The following PADI3 variants were observed in gnomAD, a reference collection of about 807,000 sequenced individuals.
PADI3 encodes protein-arginine deiminase type-3.
A neutral mutation model predicts 71.5 loss-of-function variants in PADI3; 53 were observed. That is an observed-to-expected ratio of 0.74 (90% confidence interval 0.59 to 0.93). The LOEUF is 0.93. Among genes scored for constraint, PADI3 ranks in the 40% least tolerant of loss-of-function variants. PADI3 has a pLI of 0.00. For missense variants in PADI3, 821 were observed against 868.0 expected (o/e 0.95, Z 0.68); for synonymous variants, 361 against 347.5 (o/e 1.04, Z -0.43).
Position 17,270,974 on chromosome 1 carries a change from T to C in PADI3, c.927T>C (p.Tyr309=), listed in dbSNP as rs149889085. Residue 309 remains tyrosine, a synonymous_variant, in exon 8 of 16, where the codon TAT becomes TAC. Coordinates refer to ENST00000375460, the MANE Select transcript of PADI3 (RefSeq NM_016233.2). ...GCACTCTGCCACCCCTAGAGGTGTA[T>C]GTGTGCCGGTGAGTCTTGGGGCAGT... ...TPSTLPPLEV[Y]VCRVRNNTCF... The C allele has an allele frequency of 3.1e-6, 5 of 1,613,832 alleles. No individual in the cohort carries two copies. In the African/African-American group the frequency reaches 4.0e-5, roughly 13 times the overall value.
intron 10 of PADI3, among the ~76,000 whole-genome samples, chr1:17,273,881 C>A (rs1270982321): frequency 6.6e-6 from 1 of 152,108 alleles, no homozygotes; most frequent in East Asian, 1.9e-4. Context: ...GCCTCAGTTT[C>A]CTCATCAGTA....
At chr1:17,279,351 G>T (rs1225011598) in intron 13 of PADI3, among the ~76,000 whole-genome samples, 3 of 152,160 alleles carry the variant, frequency 2.0e-5, no homozygotes, top group Non-Finnish European at 4.4e-5. Flanking sequence ...AGATCAAATG[G>T]GATGACTCTC....
At chr1:17,269,924 A>G (rs1473549308) in intron 6 of PADI3, among the ~76,000 whole-genome samples, 3 of 152,064 alleles carry the variant, frequency 2.0e-5, no homozygotes, top group African/African-American at 4.8e-5. Flanking sequence ...CAGCCTGTAG[A>G]TGTATTTTTG....
chr1:17,263,620 C>T (rs1277885308), intron 3 of PADI3, among the ~76,000 whole-genome samples: 1 of 151,950 alleles, frequency 6.6e-6, no homozygotes, highest in African/African-American at 2.4e-5. Context: ...AGTGCAAAGA[C>T]CATAAGGGGA....
At chr1:17,252,778 G>T (rs2072982127) in intron 1 of PADI3, among the ~76,000 whole-genome samples, 1 of 152,220 alleles carries the variant, frequency 6.6e-6, no homozygotes, top group Admixed American at 6.5e-5. Context: ...CAGGGCCTCT[G>T]TCATTGGCCC....
chr1:17,261,807 G>A (rs1287179585), intron 2 of PADI3, among the ~76,000 whole-genome samples: 1 of 152,240 alleles, frequency 6.6e-6, no homozygotes, highest in Non-Finnish European at 1.5e-5. Context: ...TTGGCTTGGA[G>A]AGTGTCCCCA....
chr1:17,252,268 C>G (rs2072974811), intron 1 of PADI3, among the ~76,000 whole-genome samples: 1 of 152,164 alleles, frequency 6.6e-6, no homozygotes, highest in South Asian at 2.1e-4. Context: ...GGGCTTGAAC[C>G]CAGATCCCAT....
At chr1:17,265,759 G>A in intron 4 of PADI3, 39 bp downstream of exon 4, 1 of 1,578,806 alleles carries the variant, frequency 6.3e-7, no homozygotes, top group Non-Finnish European at 8.7e-7. Flanking sequence ...CAGGAGTGCA[G>A]TTGGAGCTTG....
intron 13 of PADI3, 67 bp downstream of exon 13, chr1:17,276,943 G>A: frequency 3.7e-6 from 5 of 1,346,130 alleles, no homozygotes; most frequent in Non-Finnish European, 5.1e-6. Context: ...GACACATCAT[G>A]GCTTGAGAGG....
chr1:17,270,946 C>G lies in PADI3; in HGVS notation c.899C>G (p.Pro300Arg). ...CGAGTGGCACCCTGGATCATGACGC[C>G]CAGCACTCTGCCACCCCTAGAGGTG... ...VFRVAPWIMT[P>R]STLPPLEVYV... The change falls in exon 8 of 16, where the codon CCC becomes CGC. Residue 300 changes from proline (P) to arginine (R), a missense_variant. Pro to Arg is a moderately radical substitution (Grantham distance 103). Transcript: ENST00000375460. The G allele has an allele frequency of 6.2e-7, 1 of 1,614,130 alleles. No individual in the cohort carries two copies. The highest frequency in any genetic ancestry group is 8.5e-7 in the Non-Finnish European group (1 of 1,180,010).
At chr1:17,252,470 T>C (rs979017898) in intron 1 of PADI3, among the ~76,000 whole-genome samples, 5 of 151,542 alleles carry the variant, frequency 3.3e-5, no homozygotes, top group African/African-American at 9.7e-5. Flanking sequence ...TGGTGCAATC[T>C]TGGCTTACTG....
intron 2 of PADI3, 66 bp from the exon 3 acceptor site, chr1:17,262,067 G>C (rs1353757631): frequency 7.0e-7 from 1 of 1,420,856 alleles, no homozygotes; most frequent in East Asian, 2.3e-5. Flanking sequence ...AGATCCCCGA[G>C]AGCTATCTTT....
chr1:17,280,578 A>G, intron 14 of PADI3, 93 bp from the exon 15 acceptor site: 1 of 1,577,774 alleles, frequency 6.3e-7, no homozygotes, highest in Non-Finnish European at 8.7e-7. Flanking sequence ...CCCTCTTTTG[A>G]CCCAGAAGAA....
intron 3 of PADI3, among the ~76,000 whole-genome samples, chr1:17,263,140 C>A (rs1284471513): frequency 6.6e-6 from 1 of 152,196 alleles, no homozygotes; most frequent in Non-Finnish European, 1.5e-5. Context: ...TCTTGAACTC[C>A]TGACCTCAGA....
intron 9 of PADI3, among the ~76,000 whole-genome samples, chr1:17,271,854 AAGAGAG>A (rs1338360878): frequency 8.3e-5 from 11 of 132,324 alleles, no homozygotes; most frequent in African/African-American, 2.3e-4. Context: ...AAAAAAAAAA[AAGAGAG>A]AGAGAGAGAG....
intron 15 of PADI3, among the ~76,000 whole-genome samples, chr1:17,281,499 G>A (rs1013472789): frequency 1.3e-5 from 2 of 151,668 alleles, no homozygotes; most frequent in African/African-American, 4.8e-5. Flanking sequence ...AGGCTGGAGG[G>A]CAGTGGCACA....
intron 13 of PADI3, among the ~76,000 whole-genome samples, chr1:17,277,363 T>G (rs2100600168): frequency 6.6e-6 from 1 of 152,164 alleles, no homozygotes; most frequent in East Asian, 1.9e-4. Flanking sequence ...CCCGGCTAAT[T>G]TTGTGTTTTT....
intron 2 of PADI3, among the ~76,000 whole-genome samples, chr1:17,261,563 A>G (rs1407143319): frequency 2.0e-5 from 3 of 152,234 alleles, no homozygotes; most frequent in Non-Finnish European, 1.5e-5. Flanking sequence ...CACTGATAAC[A>G]GTAGCTAGTA....
chr1:17,272,651 T>C (rs2100590129), intron 9 of PADI3, among the ~76,000 whole-genome samples: 1 of 152,126 alleles, frequency 6.6e-6, no homozygotes, highest in East Asian at 1.9e-4. Context: ...AGACCACAGG[T>C]GCAGCCACCA....
Sources: gnomAD v4.1 joint callset for allele counts (sites outside exome capture counted in the v4.1 genomes callset) on GRCh38, gnomAD v4.1.1 for gene constraint, MANE v1.5 for transcripts, NCBI Gene and HGNC (gene_info 2026-07-23, HGNC 2026-07-21) for gene names.